Variants in RBPJ observed in about 807,000 individuals in gnomAD.
The protein encoded by RBPJ is recombination signal binding protein for immunoglobulin kappa J region.
A neutral mutation model predicts 67.8 loss-of-function variants in RBPJ; 9 were observed. The observed-to-expected ratio is 0.13, with a 90% CI of 0.08 to 0.23. RBPJ has a LOEUF of 0.23. Ranked by LOEUF, RBPJ falls within the 10% of genes least tolerant of loss-of-function variation. The pLI, the probability that RBPJ is intolerant of heterozygous loss-of-function variation, is 1.00. For synonymous variants in RBPJ, 198 were observed against 203.3 expected (o/e 0.97, Z 0.22); for missense variants, 305 against 595.6 (o/e 0.51, Z 5.08).
the RBPJ span, among the ~76,000 whole-genome samples, chr4:26,117,004 C>G: frequency 6.6e-6 from 1 of 152,190 alleles, no homozygotes; most frequent in Non-Finnish European, 1.5e-5. Flanking sequence ...ACTGAGAAAA[C>G]TGACTTTTCA....
chr4:26,430,577 G>A lies in RBPJ; in HGVS notation c.1148+55G>A, dbSNP rs988081422. On this transcript the variant is annotated intron_variant, in intron 10 of 10. Coordinates refer to ENST00000355476, the MANE Select transcript of RBPJ (RefSeq NM_015874.6). This position sits in a 1 kb window ranked among gnomAD's most constrained non-coding sequence, Gnocchi z 4.1. ...GAGGTTGTGAGGGGTGTGGGTACAG[G>A]AGATTCTTTCCTGGCACTGATTGTA... 1 of 1,529,026 alleles carries A rather than the reference G, an allele frequency of 6.5e-7. No homozygotes were observed. 94.7% of individuals were successfully genotyped at this position (1,529,026 alleles called of 1,614,324 possible).
chr4:26,144,598 C>T, the RBPJ span, among the ~76,000 whole-genome samples: 1 of 152,176 alleles, frequency 6.6e-6, no homozygotes, highest in African/African-American at 2.4e-5. Flanking sequence ...TTTCTATCCT[C>T]CAACCTTCTA....
rs564887067 is a variant in RBPJ, at chr4:26,335,182, A to C, written c.20+14134A>C. Reference sequence around the variant, plus strand: ...TATCAGTTTTTCTTATTTTCTTATTATTATTATTATTGTTTTCGAGATGAA... The same window carrying C: ...TATCAGTTTTTCTTATTTTCTTATTCTTATTATTATTGTTTTCGAGATGAA... On this transcript the variant is annotated intron_variant, in intron 1 of 10. Transcript: ENST00000355476. Among the ~76,000 whole-genome samples, 60 of 151,882 alleles carry C rather than the reference A, an allele frequency of 4.0e-4. 1 individual carries two copies. Among genetic ancestry groups the C allele is most frequent in the African/African-American group, 1.4e-3 (59 of 41,418 alleles).
intron 2 of RBPJ, among the ~76,000 whole-genome samples, chr4:26,388,574 TTAAA>T: frequency 6.6e-6 from 1 of 150,602 alleles, no homozygotes; most frequent in African/African-American, 2.4e-5. Context: ...AGAGGAGAGG[TTAAA>T]TAGAGACATA....
At chr4:26,417,779 G>T (rs1330893411) in intron 4 of RBPJ, among the ~76,000 whole-genome samples, 1 of 152,210 alleles carries the variant, frequency 6.6e-6, no homozygotes, top group African/African-American at 2.4e-5. Flanking sequence ...CTCCATTCGT[G>T]TAAGGAAATA....
At chr4:26,407,199 G>A (rs1483433408) in intron 3 of RBPJ, among the ~76,000 whole-genome samples, 1 of 152,084 alleles carries the variant, frequency 6.6e-6, no homozygotes, top group African/African-American at 2.4e-5. Flanking sequence ...CAAAAGTACC[G>A]TTTTGCAAAG....
In RBPJ at chr4:26,241,454, C is replaced by T. The variant is rs73245739; in HGVS notation, c.-167+77840C>T. On this transcript the variant is annotated intron_variant, in intron 1 of 4. Transcript: ENST00000512351. ...AACGTGATTTATACATAAGGAAAGA[C>T]CATTCAGAGCCAGAACTTCTGACCT... is the stretch of plus-strand genomic sequence containing the variant. Among the ~76,000 whole-genome samples, 654 of 152,226 alleles carry T rather than the reference C, an allele frequency of 4.3e-3. 3 individuals are homozygous for T. The highest frequency in any genetic ancestry group is 7.0e-3 in the South Asian group (34 of 4,830).
Position 26,247,976 on chromosome 4 carries a change from C to T in RBPJ, c.-167+84362C>T, listed in dbSNP as rs148701593. Among the ~76,000 whole-genome samples, 58 of 152,070 alleles carry T rather than the reference C, an allele frequency of 3.8e-4. 1 individual carries two copies. Among genetic ancestry groups the T allele is most frequent in the Admixed American group, 6.6e-4 (10 of 15,250 alleles). On this transcript the variant is annotated intron_variant, in intron 1 of 4. Transcript: ENST00000512351. The stretch of plus-strand genomic sequence containing the variant: ...TTCATGTAACAAACCTGTACATGTA[C>T]GCTGTGAATCTAAAATTTTAAAATA...
At chr4:26,255,288 C>T (rs1338150205) in intron 1 of RBPJ, among the ~76,000 whole-genome samples, 4 of 134,208 alleles carry the variant, frequency 3.0e-5, no homozygotes, top group Non-Finnish European at 6.1e-5. Flanking sequence ...CCTGTAGTCC[C>T]AGCTACTCGG....
intron 1 of RBPJ, among the ~76,000 whole-genome samples, chr4:26,231,317 A>G (rs1438114468): frequency 6.6e-6 from 1 of 152,206 alleles, no homozygotes; most frequent in Non-Finnish European, 1.5e-5. Flanking sequence ...GACTGAGATG[A>G]CTAATCAGTT....
At chr4:26,187,621 C>T (rs950047756) in intron 1 of RBPJ, among the ~76,000 whole-genome samples, 1 of 152,166 alleles carries the variant, frequency 6.6e-6, no homozygotes, top group African/African-American at 2.4e-5. Flanking sequence ...TTCATATATT[C>T]ATGAATAACT....
rs868015499 is a variant in RBPJ at position 26,176,816 on chromosome 4, A to G, written c.-167+13202A>G. On this transcript the variant is annotated intron_variant, in intron 1 of 4. Coordinates refer to the RBPJ transcript ENST00000512351. Reference sequence around the variant, plus strand: ...AAGCCAGGCCTGTCTTGGCTGGACCACCTTCAGAGCTCAGCGTGTGCAGCC... The same window carrying G: ...AAGCCAGGCCTGTCTTGGCTGGACCGCCTTCAGAGCTCAGCGTGTGCAGCC... Among the ~76,000 whole-genome samples the G allele has an allele frequency of 7.2e-5, 11 of 152,240 alleles. No individual in the cohort carries two copies. In the South Asian group the frequency reaches 1.0e-3, roughly 14 times the overall value.
At chr4:26,362,373 A>G (rs1728156024) in intron 1 of RBPJ, 3 of 843,076 alleles carry the variant, frequency 3.6e-6, no homozygotes, top group South Asian at 3.2e-5. Flanking sequence ...TAGTCATGGC[A>G]GCAGTTAACA....
chr4:26,185,066 TG>T (rs1717183776), intron 1 of RBPJ, among the ~76,000 whole-genome samples: 1 of 150,850 alleles, frequency 6.6e-6, no homozygotes, highest in South Asian at 2.1e-4. Context: ...CACTTGACCC[TG>T]GAAGGCAGAG....
At chr4:26,139,816 A>G in the RBPJ span, among the ~76,000 whole-genome samples, 1 of 152,122 alleles carries the variant, frequency 6.6e-6, no homozygotes, top group African/African-American at 2.4e-5. Flanking sequence ...GAGGCTGTTG[A>G]ATTTTCACTC....
chr4:26,319,961 G>T (rs1424282033), upstream of RBPJ: 5 of 1,360,918 alleles, frequency 3.7e-6, no homozygotes, highest in Admixed American at 2.2e-5. Context: ...TTTGCCCGGG[G>T]GCTTCCGGGA....
At chr4:26,159,942 G>A (rs920269818), upstream of RBPJ, among the ~76,000 whole-genome samples, 2 of 149,078 alleles carry the variant, frequency 1.3e-5, no homozygotes, top group Admixed American at 6.7e-5. Context: ...TTTTTGAGAC[G>A]GAGTCTCACT....
chr4:26,182,357 C>A (rs942671396), intron 1 of RBPJ, among the ~76,000 whole-genome samples: 5 of 152,110 alleles, frequency 3.3e-5, no homozygotes, highest in Non-Finnish European at 5.9e-5. Flanking sequence ...AACAAACAAA[C>A]AAACAAACAA....
At chr4:26,331,542 G>A (rs1360671951) in intron 1 of RBPJ, among the ~76,000 whole-genome samples, 2 of 152,128 alleles carry the variant, frequency 1.3e-5, no homozygotes, top group Non-Finnish European at 2.9e-5. Context: ...GGTAGAGTGC[G>A]GCGGCCAGTG....
Sources: allele counts gnomAD v4.1 joint callset (sites outside exome capture counted in the v4.1 genomes callset), GRCh38; gene constraint gnomAD v4.1.1; non-coding constraint Gnocchi (gnomAD v3.1); transcripts MANE v1.5; gene names NCBI Gene and HGNC (gene_info 2026-07-23, HGNC 2026-07-21).